Variants in CTBP2 observed in about 807,000 individuals in gnomAD.
CTBP2 encodes C-terminal binding protein 2.
CTBP2 carries 30 observed loss-of-function variants against 80.3 expected under a neutral mutation model. The observed-to-expected ratio is 0.37, with a 90% CI of 0.28 to 0.51. The LOEUF is 0.51. Among genes scored for constraint, CTBP2 ranks in the 20% least tolerant of loss-of-function variants. CTBP2 has a pLI of 0.93. For missense variants in CTBP2, 1,212 were observed against 1,375.3 expected (o/e 0.88, Z 1.88); for synonymous variants, 594 against 587.4 (o/e 1.01, Z -0.16).
chr10:125,087,843 G>T (rs1363881814), intron 2 of CTBP2, among the ~76,000 whole-genome samples: 1 of 152,140 alleles, frequency 6.6e-6, no homozygotes, highest in Non-Finnish European at 1.5e-5. Flanking sequence ...AAATTTTCTT[G>T]ATTTACAAGA....
At chr10:125,092,821 C>G (rs1152671) in intron 2 of CTBP2, among the ~76,000 whole-genome samples, 49,391 of 152,084 alleles carry the variant, frequency 0.32, 9,114 homozygotes, top group African/African-American at 0.49. Context: ...ACTTCTACAA[C>G]ATGCCCAGTT....
chr10:124,993,171 C>A lies in CTBP2; in HGVS notation c.2659+31G>T, dbSNP rs113822838. The A allele has an allele frequency of 9.5e-6, 15 of 1,579,268 alleles. No individual in the cohort carries two copies. In the African/African-American group the frequency reaches 1.1e-4, roughly 11 times the overall value. On this transcript the variant is annotated intron_variant, in intron 7 of 8. Transcript: ENST00000309035. Reference sequence around the variant, plus strand: ...GCTGCACTGTGGAGCTGAGGCTGCCCTTGGCAGGCCAGAGGCACGGAGGGG... The same window carrying A: ...GCTGCACTGTGGAGCTGAGGCTGCCATTGGCAGGCCAGAGGCACGGAGGGG...
At chr10:125,065,862 G>A (rs1054839574) in intron 2 of CTBP2, among the ~76,000 whole-genome samples, 17 of 152,180 alleles carry the variant, frequency 1.1e-4, no homozygotes, top group Admixed American at 3.3e-4. Context: ...CACTTTGGGA[G>A]GCTGAGGTGG....
chr10:125,059,758 G>A (rs555606200), intron 2 of CTBP2, among the ~76,000 whole-genome samples: 7 of 152,068 alleles, frequency 4.6e-5, no homozygotes, highest in East Asian at 1.9e-4. Flanking sequence ...TGCCCCTCTC[G>A]CCCCGCCAAT....
At position 125,152,039 on chromosome 10, in the gene CTBP2, G is replaced by A. The variant is rs1346515112; in HGVS notation, c.-206+8280C>T. Among the ~76,000 whole-genome samples the A allele has an allele frequency of 2.0e-5, 3 of 152,250 alleles. No homozygotes were observed. The East Asian group carries it at 5.8e-4, about 30-fold the overall frequency. Reference sequence around the variant, plus strand: ...GGGGGGCCCGGGGGTGTCAGATACCGCGGCCCGCGGAGGGGCCAGGGTGGG... The same window carrying A: ...GGGGGGCCCGGGGGTGTCAGATACCACGGCCCGCGGAGGGGCCAGGGTGGG... On this transcript the variant is annotated intron_variant, in intron 1 of 10. Transcript: ENST00000337195.
intron 2 of CTBP2, among the ~76,000 whole-genome samples, chr10:125,039,646 G>A (rs74163318): frequency 2.2e-4 from 34 of 152,306 alleles, no homozygotes; most frequent in African/African-American, 7.9e-4. Context: ...GGGGTCAGGG[G>A]TCAAAGCCAC....
Position 125,104,210 on chromosome 10 carries a change from G to A in CTBP2, c.-102+6780C>T, listed in dbSNP as rs370568775. 3.2e-4 allele frequency among the ~76,000 whole-genome samples: 48 copies of A among 152,262 alleles called. No individual in the cohort carries two copies. The East Asian group carries it at 5.8e-3, about 18-fold the overall frequency. On this transcript the variant is annotated intron_variant, in intron 2 of 10. Transcript: ENST00000337195. ...GATCCCAGCGGCCTGGAGAAAGGACGGAACAGGAGGACCCTGTGCGGGCGC... is the reference window on the plus strand; with the variant it reads ...GATCCCAGCGGCCTGGAGAAAGGACAGAACAGGAGGACCCTGTGCGGGCGC...
In CTBP2 at chr10:124,989,612, T is replaced by C. The variant is rs751202687; in HGVS notation, c.2864A>G (p.His955Arg). 2 of 1,612,708 alleles carry C rather than the reference T, an allele frequency of 1.2e-6. No homozygotes were observed. Among genetic ancestry groups the C allele is most frequent in the East Asian group, 4.5e-5 (2 of 44,888 alleles). Residue 955 changes from histidine (H) to arginine (R), a missense_variant, in exon 9 of 9, where the codon CAC becomes CGC. His to Arg is a conservative substitution (Grantham distance 29). Coordinates refer to ENST00000309035, the MANE Select transcript of CTBP2 (RefSeq NM_022802.3). ...AGGATGTGCCACTGTCGGGAGGTTG[T>C]GAGTCACTGGGATGCCTCCAGGGAT...
chr10:125,032,405 C>G (rs1478698483), upstream of CTBP2, among the ~76,000 whole-genome samples: 1 of 152,180 alleles, frequency 6.6e-6, no homozygotes, highest in Non-Finnish European at 1.5e-5. Context: ...TCAGAAGGTC[C>G]CAGGATGCCG....
rs1348841236 is a variant in CTBP2, at chr10:124,986,289, G to GCACACACACACACACACACACACA, written c.*3228_*3229insTGTGTGTGTGTGTGTGTGTGTGTG. ...AAAGACGACACACGCACGCGCGCGC[G>GCACACACACACACACACACACACA]CGCACACACACACACACACACACAC... On this transcript the variant is annotated 3_prime_UTR_variant, in exon 9 of 9. Coordinates refer to ENST00000309035, the MANE Select transcript of CTBP2 (RefSeq NM_022802.3). The GCACACACACACACACACACACACA allele has an allele frequency of 9.2e-6, 1 of 108,356 alleles. No homozygotes were observed. Among genetic ancestry groups the GCACACACACACACACACACACACA allele is most frequent in the African/African-American group, 3.6e-5 (1 of 27,544 alleles). The allele number at this position is 108,356 out of a possible 1,614,324, so 6.7% of individuals were successfully genotyped here.
At chr10:125,033,459 CT>C (rs3837350) in intron 3 of CTBP2, among the ~76,000 whole-genome samples, 126,279 of 152,168 alleles carry the variant, frequency 0.83, 54,203 homozygotes, top group East Asian at 0.94. Flanking sequence ...CATTTCACAG[CT>C]TTAACACTGT....
intron 1 of CTBP2, among the ~76,000 whole-genome samples, chr10:125,011,415 A>C (rs1391953221): frequency 1.3e-5 from 2 of 152,248 alleles, no homozygotes; most frequent in Non-Finnish European, 1.5e-5. Context: ...AGGAGGCTCC[A>C]GGTACCCCTG....
intron 2 of CTBP2, among the ~76,000 whole-genome samples, chr10:125,079,055 G>A (rs1479670143): frequency 1.3e-5 from 2 of 148,624 alleles, no homozygotes; most frequent in Admixed American, 6.8e-5. Context: ...GCTAAGGAAC[G>A]AGAATTGCTT....
intron 1 of CTBP2, chr10:125,005,847 A>G (rs374420413): frequency 1.2e-5 from 19 of 1,581,846 alleles, no homozygotes; most frequent in Non-Finnish European, 1.6e-5. Context: ...GGAACACCCC[A>G]ACTTCACTTT....
In CTBP2 at chr10:124,989,512, T is replaced by C; in HGVS notation, c.*6A>G. 1 of 1,612,208 alleles carries C rather than the reference T, an allele frequency of 6.2e-7. No homozygotes were observed. Among genetic ancestry groups the C allele is most frequent in the Non-Finnish European group, 8.5e-7 (1 of 1,179,698 alleles). ...TATCTGAGTGATTACCTTCTGGCAT[T>C]CTCTGCTATTGCTCGTTGGGGTGCT... is the stretch of plus-strand genomic sequence containing the variant. On this transcript the variant is annotated 3_prime_UTR_variant, in exon 9 of 9. Coordinates refer to ENST00000309035, the MANE Select transcript of CTBP2 (RefSeq NM_022802.3).
At chr10:125,038,411 G>A (rs1468499303) in intron 3 of CTBP2, among the ~76,000 whole-genome samples, 1 of 152,138 alleles carries the variant, frequency 6.6e-6, no homozygotes, top group African/African-American at 2.4e-5. Context: ...GAACCCACAC[G>A]CTGGTTTCTT....
At chr10:125,099,253 A>T (rs527639088) in intron 2 of CTBP2, among the ~76,000 whole-genome samples, 110 of 152,172 alleles carry the variant, frequency 7.2e-4, no homozygotes, top group Non-Finnish European at 1.2e-3. Context: ...TTATCCATCA[A>T]TTTATAGGAA....
rs1216401397 is a variant in CTBP2 at position 125,003,361 on chromosome 10, A to C, written c.1810T>G (p.Ser604Ala). The C allele has an allele frequency of 6.2e-7, 1 of 1,610,352 alleles. No individual in the cohort carries two copies. The highest frequency in any genetic ancestry group is 1.1e-5 in the South Asian group (1 of 90,970). The stretch of plus-strand genomic sequence containing the variant: ...ACCTTCTCGTGGATTTCCTGCGTCG[A>C]CTGCGCGTCACAGAAGGCCACAGTG... Residue 604 changes from serine (S) to alanine (A), a missense_variant, in exon 2 of 9, where the codon TCG (serine) becomes GCG (alanine). Around this residue, in one of 3 missense-constraint regions of CTBP2, gnomAD observed 29 missense variants for 88.3 expected, o/e 0.33. Coordinates refer to ENST00000309035, the MANE Select transcript of CTBP2 (RefSeq NM_022802.3).
intron 2 of CTBP2, among the ~76,000 whole-genome samples, chr10:125,105,856 C>T (rs1851368781): frequency 6.6e-6 from 1 of 152,234 alleles, no homozygotes. Context: ...AGAAAGCTCA[C>T]TTCCCTGCCT....
Sources: allele counts gnomAD v4.1 joint callset (sites outside exome capture counted in the v4.1 genomes callset), GRCh38; gene constraint gnomAD v4.1.1; regional missense constraint gnomAD v4.1.1; transcripts MANE v1.5; gene names NCBI Gene and HGNC (gene_info 2026-07-23, HGNC 2026-07-21).